Variants in PHKA1 observed in about 807,000 individuals in gnomAD.
PHKA1 encodes the protein phosphorylase kinase regulatory subunit alpha 1, also known as phosphorylase b kinase regulatory subunit alpha, skeletal muscle isoform.
In PHKA1, 60 loss-of-function variants were observed where a neutral mutation model predicts 110.2. That is an observed-to-expected ratio of 0.54 (90% CI 0.44 to 0.68). The LOEUF is 0.68. Ranked by LOEUF, PHKA1 falls within the 30% of genes least tolerant of loss-of-function variation. The pLI is 0.00. For missense variants in PHKA1, 801 were observed against 942.5 expected (o/e 0.85, Z 1.97); for synonymous variants, 316 against 333.6 (o/e 0.95, Z 0.58).
chrX:72,646,061 G>A (rs1413126462), intron 13 of PHKA1, among the ~76,000 whole-genome samples: 3 of 111,525 alleles, frequency 2.7e-5, no homozygotes, highest in African/African-American at 3.3e-5. Context: ...AGAGGGAGGT[G>A]GGAAGAACCA....
chrX:72,585,917 G>T (rs2052421335), intron 29 of PHKA1, among the ~76,000 whole-genome samples: 1 of 112,374 alleles, frequency 8.9e-6, no homozygotes, highest in African/African-American at 3.2e-5. Context: ...AAAGCTGCCT[G>T]GGAAGCTTGA....
intron 1 of PHKA1, 125 bp downstream of exon 1, chrX:72,713,678 A>ACACACACACC (rs1447482084): frequency 1.5e-3 from 797 of 546,218 alleles, no homozygotes; most frequent in Admixed American, 2.7e-3. Flanking sequence ...CGTCACACAC[A>ACACACACACC]CACACACACA....
intron 6 of PHKA1, among the ~76,000 whole-genome samples, chrX:72,672,003 A>G (rs1020142583): frequency 8.9e-5 from 10 of 112,334 alleles, no homozygotes; most frequent in Non-Finnish European, 1.7e-4. Context: ...AACCTAGGCA[A>G]TACCATTCAG....
intron 4 of PHKA1, among the ~76,000 whole-genome samples, chrX:72,687,820 T>G (rs2053985400): frequency 9.1e-6 from 1 of 110,444 alleles, no homozygotes; most frequent in African/African-American, 3.3e-5. Context: ...ATTTTTTTAT[T>G]ATCAGAAACT....
At chrX:72,626,072 G>A (rs1233024061) in intron 17 of PHKA1, among the ~76,000 whole-genome samples, 3 of 109,807 alleles carry the variant, frequency 2.7e-5, no homozygotes, top group Non-Finnish European at 5.7e-5. Context: ...GTACATGTGT[G>A]TATATATATG....
At chrX:72,712,743 T>C (rs1556335232) in intron 2 of PHKA1, 36 bp downstream of exon 2, 1 of 1,182,692 alleles carries the variant, frequency 8.5e-7, no homozygotes, top group Non-Finnish European at 1.1e-6. Flanking sequence ...CAATCACACA[T>C]AGCTCCAGAT....
At chrX:72,603,861 A>G (rs1464065854) in intron 25 of PHKA1, among the ~76,000 whole-genome samples, 1 of 111,372 alleles carries the variant, frequency 9.0e-6, no homozygotes, top group Non-Finnish European at 1.9e-5. Context: ...GTGCCAAATG[A>G]GAGGTATAGA....
intron 5 of PHKA1, among the ~76,000 whole-genome samples, chrX:72,680,752 C>T (rs1462926481): frequency 1.3e-4 from 12 of 93,659 alleles, no homozygotes; most frequent in Middle Eastern, 5.2e-3. Flanking sequence ...CCGCAGCCGC[C>T]GCCGCCCGAC....
rs1369567801 is a variant in PHKA1 at position 72,664,744 on chromosome X, T to C, written c.864+1407A>G. ...TATCTTTTCTGACTGCAATGAAAACTAGAAATCAATAACAAGAGAAACTTT... is the reference window on the plus strand; with the variant it reads ...TATCTTTTCTGACTGCAATGAAAACCAGAAATCAATAACAAGAGAAACTTT... On this transcript the variant is annotated intron_variant, in intron 8 of 31. Coordinates refer to ENST00000373542, the MANE Select transcript of PHKA1 (RefSeq NM_002637.4). 2.7e-5 allele frequency among the ~76,000 whole-genome samples: 3 copies of C among 111,696 alleles called. No individual in the cohort carries two copies. The Admixed American group carries it at 2.9e-4, about 11-fold the overall frequency.
At chrX:72,594,196 G>C (rs1245211935) in intron 28 of PHKA1, among the ~76,000 whole-genome samples, 1 of 109,910 alleles carries the variant, frequency 9.1e-6, no homozygotes, top group Non-Finnish European at 1.9e-5. Context: ...CTATATTAAA[G>C]AAAGGATAAA....
Position 72,684,510 on chromosome X carries a change from T to C in PHKA1, c.525A>G (p.Ala175=). ...IQNLVFYIEA[A]YKTADFGIWE... ...AATCAGTACTTACAGCAGTTTTATATGCAGCTTCAATGTAAAACACAAGGT... is the reference window on the plus strand; with the variant it reads ...AATCAGTACTTACAGCAGTTTTATACGCAGCTTCAATGTAAAACACAAGGT... The change falls in exon 5 of 32, where the codon GCA becomes GCG. Residue 175 remains alanine, a synonymous_variant. Transcript: ENST00000373542. 10 of 1,156,375 alleles carry C rather than the reference T, an allele frequency of 8.6e-6. No individual in the cohort carries two copies. The highest frequency in any genetic ancestry group is 1.2e-5 in the Non-Finnish European group (10 of 845,110).
At chrX:72,676,218 T>G in intron 5 of PHKA1, 68 bp from the exon 6 acceptor site, 1 of 788,108 alleles carries the variant, frequency 1.3e-6, no homozygotes, top group Non-Finnish European at 1.9e-6. Context: ...ATGCAGGAAG[T>G]GTTTACCCTT....
chrX:72,602,020 G>T lies in PHKA1; in HGVS notation c.3043C>A (p.Arg1015Ser). Reference protein sequence around the residue: ...LKSEIKQVEFRRLSISAESQS... With the variant: ...LKSEIKQVEFSRLSISAESQS... ...CTCTCAGCTGAGATTGACAGTCTACGAAATTCCACCTGAAACATAAATGGC... is the reference window on the plus strand; with the variant it reads ...CTCTCAGCTGAGATTGACAGTCTACTAAATTCCACCTGAAACATAAATGGC... The change falls in exon 28 of 32, where the codon CGT becomes AGT. Residue 1015 changes from arginine to serine, a missense_variant. Physicochemically the swap from Arg to Ser is moderately radical, Grantham distance 110 (BLOSUM62 -1). This residue lies in a region of PHKA1 where 502 missense variants were observed against 519.2 expected (regional missense o/e 0.97). Transcript: ENST00000373542. 1 of 1,197,650 alleles carries T rather than the reference G, an allele frequency of 8.3e-7. No individual in the cohort carries two copies. Among genetic ancestry groups the T allele is most frequent in the Non-Finnish European group, 1.1e-6 (1 of 883,715 alleles).
chrX:72,686,997 A>C (rs2053974351), intron 4 of PHKA1, among the ~76,000 whole-genome samples: 1 of 112,331 alleles, frequency 8.9e-6, no homozygotes, highest in Non-Finnish European at 1.9e-5. Context: ...AAAAATTTTT[A>C]ATCTTTGTCT....
chrX:72,628,431 C>T (rs782453545), intron 16 of PHKA1, among the ~76,000 whole-genome samples: 29 of 107,828 alleles, frequency 2.7e-4, no homozygotes, highest in South Asian at 2.4e-3. Context: ...TTCTTTCAAC[C>T]GCATCCACAG....
intron 20 of PHKA1, 98 bp downstream of exon 20, chrX:72,619,111 ACCACT>A (rs1162271985): frequency 1.7e-6 from 1 of 579,872 alleles, no homozygotes; most frequent in Non-Finnish European, 3.0e-6. Flanking sequence ...CATTTTGCGT[ACCACT>A]AGTTAGTAAC....
Position 72,582,576 on chromosome X carries a change from A to G in PHKA1, c.3320T>C (p.Phe1107Ser), listed in dbSNP as rs1556204536. The G allele has an allele frequency of 8.4e-7, 1 of 1,194,016 alleles. No homozygotes were observed. ...CAGGACAGACTCCACATGAACAGAG[A>G]ATTTAATCTCACCTGGAGTCATCTG... is the stretch of plus-strand genomic sequence containing the variant. ...TREMTPGEIK[F>S]SVHVESVLNR... Residue 1107 changes from phenylalanine to serine, a missense_variant, in exon 31 of 32, where the codon TTC becomes TCC. Coordinates refer to ENST00000373542, the MANE Select transcript of PHKA1 (RefSeq NM_002637.4).
chrX:72,710,042 C>CAA (rs374071163), intron 2 of PHKA1, among the ~76,000 whole-genome samples: 351 of 18,665 alleles, frequency 0.019, 7 homozygotes, highest in African/African-American at 0.056. Flanking sequence ...ACTTAGTCTT[C>CAA]AAAAAAAAAA....
At chrX:72,605,655 AC>A in intron 23 of PHKA1, 36 bp from the exon 24 acceptor site, 1 of 1,003,431 alleles carries the variant, frequency 1.0e-6, no homozygotes, top group East Asian at 3.0e-5. Context: ...ACAATATTCT[AC>A]AACCACTTAA....
Sources: allele counts gnomAD v4.1 joint callset (sites outside exome capture counted in the v4.1 genomes callset), GRCh38; gene constraint gnomAD v4.1.1; regional missense constraint gnomAD v4.1.1; transcripts MANE v1.5; gene names NCBI Gene and HGNC (gene_info 2026-07-23, HGNC 2026-07-21).